PCDH15: variants seen among roughly 807,000 people sequenced by gnomAD.
The protein encoded by PCDH15 is protocadherin related 15, also known as protocadherin-15.
In PCDH15, 129 loss-of-function variants were observed where a neutral mutation model predicts 178.5. The ratio of observed to expected loss-of-function variants is 0.72; its 90% CI spans 0.63 to 0.84. The LOEUF is 0.84. PCDH15 is among the 40% of genes least tolerant of loss of function. The pLI, the probability that PCDH15 is intolerant of heterozygous loss-of-function variation, is 0.00. For synonymous variants in PCDH15, 800 were observed against 732.0 expected (o/e 1.09, Z -1.50); for missense variants, 2,230 against 2,099.9 (o/e 1.06, Z -1.21).
chr10:55,503,114 A>C (rs1220837700), intron 2 of PCDH15, among the ~76,000 whole-genome samples: 1 of 151,412 alleles, frequency 6.6e-6, no homozygotes, highest in Non-Finnish European at 1.5e-5. Context: ...ACTAGTTTTG[A>C]ATTATTAATT....
At chr10:55,619,936 G>C (rs1034691584) in intron 2 of PCDH15, among the ~76,000 whole-genome samples, 2 of 151,966 alleles carry the variant, frequency 1.3e-5, no homozygotes, top group Non-Finnish European at 2.9e-5. Context: ...CCTTTTCTAA[G>C]ACTTAATTCC....
chr10:55,529,605 T>A (rs1394607249), intron 2 of PCDH15, among the ~76,000 whole-genome samples: 1 of 151,258 alleles, frequency 6.6e-6, no homozygotes, highest in East Asian at 1.9e-4. Flanking sequence ...ACTTTACTTT[T>A]AGGATCACAT....
rs530370208 is a variant in PCDH15, at chr10:55,573,479, A to G, written c.-156+54146T>C. ...AGTTTGAAATAATTACAAGTTTTCA[A>G]TAATTCTACTACATTTCTTTATTGT... is the stretch of plus-strand genomic sequence containing the variant. On this transcript the variant is annotated intron_variant, in intron 2 of 5. Coordinates refer to the PCDH15 transcript ENST00000613346. Among the ~76,000 whole-genome samples the G allele has an allele frequency of 1.8e-4, 27 of 152,244 alleles. No homozygotes were observed. The South Asian group carries it at 5.4e-3, about 30-fold the overall frequency.
chr10:55,560,529 C>T (rs1467327596), intron 2 of PCDH15, among the ~76,000 whole-genome samples: 1 of 151,820 alleles, frequency 6.6e-6, no homozygotes, highest in African/African-American at 2.4e-5. Flanking sequence ...TATACTGAAA[C>T]TTAGGAAATC....
chr10:54,091,832 C>T (rs2094605115), intron 15 of PCDH15, among the ~76,000 whole-genome samples: 1 of 152,012 alleles, frequency 6.6e-6, no homozygotes, highest in African/African-American at 2.4e-5. Context: ...TTGGATTGTT[C>T]CAAAGGTTGG....
intron 2 of PCDH15, among the ~76,000 whole-genome samples, chr10:54,558,739 T>A (rs1329415906): frequency 6.6e-6 from 1 of 152,152 alleles, no homozygotes; most frequent in Non-Finnish European, 1.5e-5. Context: ...TTCTCCATCA[T>A]TTACTGTTGT....
At chr10:54,021,774 C>A (rs1003541679) in intron 19 of PCDH15, among the ~76,000 whole-genome samples, 1 of 151,910 alleles carries the variant, frequency 6.6e-6, no homozygotes, top group African/African-American at 2.4e-5. Context: ...GATAGCTAAA[C>A]CAGCCTGAAA....
intron 2 of PCDH15, among the ~76,000 whole-genome samples, chr10:55,159,614 AAT>A (rs533264876): frequency 6.8e-6 from 1 of 147,986 alleles, no homozygotes; most frequent in African/African-American, 2.5e-5. Flanking sequence ...TGTGTAAATA[AAT>A]ATATATATAT....
chr10:54,089,994 G>C lies in PCDH15; in HGVS notation c.1987C>G (p.Leu663Val), dbSNP rs758868732. The C allele has an allele frequency of 1.1e-5, 18 of 1,608,708 alleles. No individual in the cohort carries two copies. In the South Asian group the frequency reaches 2.0e-4, roughly 18 times the overall value. Reference protein sequence around the residue: ...ENGDPQRVFNLSETTGILTLG... With the variant: ...ENGDPQRVFNVSETTGILTLG... ...TCATTTTTAACTTACGTTTCTGAAA[G>C]ATTAAAAACTCTCTGAGGATCTCCA... Residue 663 changes from leucine (L) to valine (V), a missense_variant, in exon 16 of 38, where the codon CTT becomes GTT. Coordinates refer to ENST00000644397, the MANE Select transcript of PCDH15 (RefSeq NM_001384140.1).
At chr10:55,313,721 C>T (rs983762761) in intron 1 of PCDH15, among the ~76,000 whole-genome samples, 3 of 152,144 alleles carry the variant, frequency 2.0e-5, no homozygotes, top group Non-Finnish European at 4.4e-5. Context: ...TGCTATATGC[C>T]AGACTTCTAT....
chr10:54,872,840 T>C (rs934143936), intron 3 of PCDH15, among the ~76,000 whole-genome samples: 1 of 152,002 alleles, frequency 6.6e-6, no homozygotes, highest in Non-Finnish European at 1.5e-5. Context: ...TAAAACATAA[T>C]CTTTGACATC....
intron 1 of PCDH15, among the ~76,000 whole-genome samples, chr10:55,171,277 T>C (rs1195767543): frequency 6.6e-6 from 1 of 152,236 alleles, no homozygotes; most frequent in Non-Finnish European, 1.5e-5. Context: ...TCTTCTACTC[T>C]GTATAAATAG....
intron 21 of PCDH15, among the ~76,000 whole-genome samples, chr10:53,987,283 C>G (rs1440852209): frequency 6.6e-6 from 1 of 151,800 alleles, no homozygotes; most frequent in Non-Finnish European, 1.5e-5. Context: ...ACCCAAGACT[C>G]TAGTAGTCTT....
At chr10:53,910,338 C>T (rs926899491) in intron 25 of PCDH15, among the ~76,000 whole-genome samples, 1 of 152,140 alleles carries the variant, frequency 6.6e-6, no homozygotes, top group Non-Finnish European at 1.5e-5. Flanking sequence ...ATTTGCTGTG[C>T]TGAAGCCTCC....
chr10:54,607,822 G>A (rs2092808485), intron 2 of PCDH15: 1 of 524,252 alleles, frequency 1.9e-6, no homozygotes. Context: ...TGATGGTAAG[G>A]AAGAGATATG....
At chr10:54,771,455 C>G (rs1455584314) in intron 1 of PCDH15, among the ~76,000 whole-genome samples, 3 of 152,062 alleles carry the variant, frequency 2.0e-5, no homozygotes, top group African/African-American at 7.2e-5. Flanking sequence ...ACCATCATTT[C>G]AAGGTTATTA....
chr10:54,385,782 A>G (rs1223562856), intron 3 of PCDH15, among the ~76,000 whole-genome samples: 1 of 152,168 alleles, frequency 6.6e-6, no homozygotes, highest in Non-Finnish European at 1.5e-5. Context: ...ATTAAATAAG[A>G]TTCTTTCAGG....
chr10:55,099,380 G>A (rs1186636663), intron 2 of PCDH15, among the ~76,000 whole-genome samples: 1 of 151,976 alleles, frequency 6.6e-6, no homozygotes, highest in East Asian at 1.9e-4. Flanking sequence ...ACTATCATAA[G>A]CTGCTACTAC....
chr10:54,223,750 A>G (rs1266274040), intron 9 of PCDH15, among the ~76,000 whole-genome samples: 1 of 151,962 alleles, frequency 6.6e-6, no homozygotes, highest in Non-Finnish European at 1.5e-5. Context: ...TGGATGTACA[A>G]TCTGTACCAC....
Sources: gnomAD v4.1 joint callset for allele counts (sites outside exome capture counted in the v4.1 genomes callset) on GRCh38, gnomAD v4.1.1 for gene constraint, MANE v1.5 for transcripts, NCBI Gene and HGNC (gene_info 2026-07-23, HGNC 2026-07-21) for gene names.